ARID4B: variants seen among roughly 807,000 people sequenced by gnomAD.
The protein encoded by ARID4B is AT-rich interaction domain 4B, also known as AT-rich interactive domain-containing protein 4B.
Under a neutral mutation model 147.5 loss-of-function variants are expected in ARID4B, and 26 were observed. The ratio of observed to expected loss-of-function variants is 0.18; its 90% CI spans 0.13 to 0.24. ARID4B has a LOEUF of 0.24. Ranked by LOEUF, ARID4B falls within the 10% of genes least tolerant of loss-of-function variation. The pLI is 1.00. For missense variants in ARID4B, 1,179 were observed against 1,511.5 expected (o/e 0.78, Z 3.65); for synonymous variants, 512 against 507.9 (o/e 1.01, Z -0.11).
At chr1:235,210,682 T>G (rs2103001068) in intron 17 of ARID4B, among the ~76,000 whole-genome samples, 1 of 152,328 alleles carries the variant, frequency 6.6e-6, no homozygotes, top group South Asian at 2.1e-4. Context: ...CATCAAGATG[T>G]TAAGTTTTCT....
At chr1:235,204,253 C>T (rs570471540) in intron 17 of ARID4B, among the ~76,000 whole-genome samples, 2 of 152,224 alleles carry the variant, frequency 1.3e-5, no homozygotes, top group East Asian at 1.9e-4. Flanking sequence ...ACCCAGAAGG[C>T]GGAGGTTGCA....
chr1:235,168,675 C>T, intron 23 of ARID4B, 23 bp from the exon 24 acceptor site: 1 of 1,600,194 alleles, frequency 6.2e-7, no homozygotes, highest in Admixed American at 1.7e-5. Flanking sequence ...GAGACCAAAC[C>T]AAGAGCTTAA....
intron 21 of ARID4B, 185 bp downstream of exon 21, chr1:235,177,615 G>GTTT: frequency 4.5e-6 from 2 of 441,394 alleles, no homozygotes; most frequent in Admixed American, 4.1e-5. Flanking sequence ...CCTAGTGCAT[G>GTTT]TTTTTTTTTT....
chr1:235,191,882 A>T (rs925520716), intron 19 of ARID4B, among the ~76,000 whole-genome samples: 5 of 152,168 alleles, frequency 3.3e-5, no homozygotes, highest in African/African-American at 1.2e-4. Context: ...GTTTGAGACA[A>T]GCCTGGGCAA....
At chr1:235,320,125 A>T (rs1315818574) in intron 2 of ARID4B, among the ~76,000 whole-genome samples, 1 of 92,454 alleles carries the variant, frequency 1.1e-5, no homozygotes, top group Admixed American at 9.5e-5. Flanking sequence ...AACTCCGTCT[A>T]AAAAAAAAAA....
chr1:235,224,375 T>C (rs566765682), intron 12 of ARID4B, among the ~76,000 whole-genome samples: 5 of 152,312 alleles, frequency 3.3e-5, no homozygotes, highest in South Asian at 2.1e-4. Flanking sequence ...TTTTGAGACT[T>C]TGTCACACTT....
Position 235,175,323 on chromosome 1 carries a change from A to T in ARID4B, c.3525T>A (p.Thr1175=). ...ATTTGGTACTATGAGACTTCATTCC[A>T]GTGGAAACTGATTTGACTGGCTGAC... ...TKSQPVKSVS[T]GMKSHSTKSP... The change falls in exon 22 of 24, where the codon ACT becomes ACA. Residue 1175 remains threonine (T), a synonymous_variant. Transcript: ENST00000264183. 6.2e-7 allele frequency: 1 copy of T among 1,614,128 alleles called. No homozygotes were observed. The highest frequency in any genetic ancestry group is 8.5e-7 in the Non-Finnish European group (1 of 1,180,004).
chr1:235,292,949 A>G (rs1339980864), intron 2 of ARID4B, among the ~76,000 whole-genome samples: 1 of 152,208 alleles, frequency 6.6e-6, no homozygotes, highest in Non-Finnish European at 1.5e-5. Context: ...AAGGTTGTGG[A>G]TTCAAATGAA....
intron 4 of ARID4B, 52 bp from the exon 5 acceptor site, chr1:235,255,802 A>G: frequency 7.6e-7 from 1 of 1,312,806 alleles, no homozygotes; most frequent in Non-Finnish European, 1.1e-6. Flanking sequence ...AAATTAACAA[A>G]CCAAAACCTG....
At chr1:235,179,548 A>AAAC (rs1664141676) in intron 20 of ARID4B, among the ~76,000 whole-genome samples, 2 of 150,006 alleles carry the variant, frequency 1.3e-5, no homozygotes, top group Admixed American at 6.6e-5. Flanking sequence ...AAAAAAAAAA[A>AAAC]AAAAACCCAA....
chr1:235,261,506 A>C (rs1572101197), intron 2 of ARID4B, among the ~76,000 whole-genome samples: 1 of 152,334 alleles, frequency 6.6e-6, no homozygotes, highest in East Asian at 1.9e-4. Flanking sequence ...CCTGGGCCAC[A>C]GAGTAAGACC....
intron 2 of ARID4B, among the ~76,000 whole-genome samples, chr1:235,288,558 T>C (rs1403960979): frequency 6.6e-6 from 1 of 152,234 alleles, no homozygotes; most frequent in Non-Finnish European, 1.5e-5. Flanking sequence ...AAACACAAAC[T>C]GTCGAATTAA....
rs766705661 is a variant in ARID4B, at chr1:235,182,252, T to C, written c.2667A>G (p.Leu889=). The part of the protein sequence containing the change: ...YNGLEEKRKS[L]RTTGFYSGFS... ...ATCCTGAATAGAAACCAGTTGTCCG[T>C]AGAGATTTTCTTTTTTCCTCCAAAC... is the stretch of plus-strand genomic sequence containing the variant. Residue 889 remains leucine (L), a synonymous_variant, in exon 20 of 24, where the codon CTA becomes CTG. Transcript: ENST00000264183. 13 of 1,613,002 alleles carry C rather than the reference T, an allele frequency of 8.1e-6. No homozygotes were observed. The highest frequency in any genetic ancestry group is 1.0e-5 in the Non-Finnish European group (12 of 1,179,784).
intron 17 of ARID4B, among the ~76,000 whole-genome samples, chr1:235,200,380 A>C (rs1283071411): frequency 6.6e-6 from 1 of 152,056 alleles, no homozygotes; most frequent in East Asian, 1.9e-4. Context: ...AAGAGCTTGA[A>C]CCCGAGAGGC....
At chr1:235,247,955 T>C (rs1053698916) in intron 6 of ARID4B, among the ~76,000 whole-genome samples, 1 of 151,988 alleles carries the variant, frequency 6.6e-6, no homozygotes, top group South Asian at 2.1e-4. Context: ...ACCATTGCAC[T>C]CCAGCCTGTG....
At chr1:235,310,862 G>A (rs916983676) in intron 2 of ARID4B, among the ~76,000 whole-genome samples, 1 of 151,908 alleles carries the variant, frequency 6.6e-6, no homozygotes, top group Non-Finnish European at 1.5e-5. Context: ...GTAGAAGCAG[G>A]GTTTTGCCAC....
At chr1:235,213,672 ATAC>A in intron 17 of ARID4B, 94 bp downstream of exon 17, 1 of 1,322,538 alleles carries the variant, frequency 7.6e-7, no homozygotes, top group Non-Finnish European at 1.0e-6. Context: ...CTCAATTAGA[ATAC>A]TAATAAATCT....
chr1:235,304,977 C>T (rs1032046836), intron 2 of ARID4B, among the ~76,000 whole-genome samples: 1 of 152,118 alleles, frequency 6.6e-6, no homozygotes, highest in Non-Finnish European at 1.5e-5. Context: ...CACAAAATGA[C>T]CACATCCGAA....
chr1:235,196,040 C>A lies in ARID4B; in HGVS notation c.1917G>T (p.Lys639Asn), dbSNP rs1665468795. ...DKNVPKIKHRKKIKNKLDKEK... is the reference protein window; with the variant it reads ...DKNVPKIKHRNKIKNKLDKEK... ...AAAAACAAGCACTTACCTTTATTTT[C>A]TTCCGATGTTTTATCTTTGGCACAT... Residue 639 changes from lysine (K) to asparagine (N), a missense_variant, in exon 18 of 24, where the codon AAG (lysine) becomes AAT (asparagine). Transcript: ENST00000264183. 6.3e-7 allele frequency: 1 copy of A among 1,596,642 alleles called. No homozygotes were observed. The highest frequency in any genetic ancestry group is 8.5e-7 in the Non-Finnish European group (1 of 1,170,288).
Sources: allele counts gnomAD v4.1 joint callset (sites outside exome capture counted in the v4.1 genomes callset), GRCh38; gene constraint gnomAD v4.1.1; transcripts MANE v1.5; gene names NCBI Gene and HGNC (gene_info 2026-07-23, HGNC 2026-07-21).